Variants in DDX60L observed in about 807,000 individuals in gnomAD.
The protein encoded by DDX60L is DExD/H-box 60 like.
Under a neutral mutation model 211.6 loss-of-function variants are expected in DDX60L, and 191 were observed. The observed-to-expected ratio is 0.90, with a 90% CI of 0.80 to 1.02. The LOEUF (loss-of-function observed/expected upper bound fraction) is 1.02, where lower values mean the gene tolerates loss of function less well. Among genes scored for constraint, DDX60L ranks in the 50% least tolerant of loss-of-function variants. The probability of loss-of-function intolerance (pLI) is 0.00; values close to 1 mark genes in which losing one functional copy is unlikely to be tolerated. For synonymous variants in DDX60L, 706 were observed against 694.1 expected (o/e 1.02, Z -0.27); for missense variants, 2,007 against 1,984.1 (o/e 1.01, Z -0.22).
chr4:168,454,953 A>T (rs1266957021), intron 7 of DDX60L, among the ~76,000 whole-genome samples: 1 of 151,648 alleles, frequency 6.6e-6, no homozygotes, highest in African/African-American at 2.4e-5. Flanking sequence ...AGTTATTTCA[A>T]AGGGACATTA....
rs769780329 is a variant in DDX60L, at chr4:168,461,996, C to T, written c.309G>A (p.Leu103=). The change falls in exon 5 of 38, where the codon TTG becomes TTA. Residue 103 remains leucine, a synonymous_variant. Coordinates refer to ENST00000682922, the MANE Select transcript of DDX60L (RefSeq NM_001012967.3). ...GAAGGTGGAGAATTAAAGCGGTCCT[C>T]AATGAAAGAAGTTCAGGAAAATCAA... ...AYFDFPELLS[L]RTALILHLQH... The T allele has an allele frequency of 1.3e-5, 21 of 1,611,260 alleles. No individual in the cohort carries two copies. The Admixed American group carries it at 3.2e-4, about 24-fold the overall frequency.
intron 35 of DDX60L, 130 bp from the exon 36 acceptor site, chr4:168,371,893 C>G: frequency 3.6e-6 from 3 of 829,162 alleles, no homozygotes; most frequent in South Asian, 2.3e-5. Context: ...AGGAGGCAGG[C>G]AGAGGGGGAT....
rs759003807 is a variant in DDX60L at position 168,420,273 on chromosome 4, TA to T, written c.2501del (p.Val834AspfsTer2). The part of the protein sequence containing the change: ...GAFTRDYCHN[V>X]LNCQVLITVP... ...TAATATGTCATACCTGACAGTTTAG[TA>T]CATTGTGACAATAATCTCTTGTAAA... On this transcript the variant is annotated frameshift_variant, in exon 18 of 38. Coordinates refer to ENST00000682922, the MANE Select transcript of DDX60L (RefSeq NM_001012967.3). LOFTEE classifies it high-confidence loss of function. 4.8e-5 allele frequency: 77 copies of T among 1,600,192 alleles called. No individual in the cohort carries two copies. In the African/African-American group the frequency reaches 9.6e-4, roughly 20 times the overall value.
At position 168,400,887 on chromosome 4, in the gene DDX60L, G is replaced by A; in HGVS notation, c.3430C>T (p.His1144Tyr). Reference sequence around the variant, plus strand: ...TCATCTATTGCAAAGACATAACTATGACATTCAGTGTGGGGATGGCTTTTT... The same window carrying A: ...TCATCTATTGCAAAGACATAACTATAACATTCAGTGTGGGGATGGCTTTTT... ...ETKSHPHTECHSYVFAIDEVL... is the reference protein window; with the variant it reads ...ETKSHPHTECYSYVFAIDEVL... The change falls in exon 26 of 38, where the codon CAT becomes TAT. Residue 1144 changes from histidine (H) to tyrosine (Y), a missense_variant. Coordinates refer to ENST00000682922, the MANE Select transcript of DDX60L (RefSeq NM_001012967.3). 1 of 1,613,510 alleles carries A rather than the reference G, an allele frequency of 6.2e-7. No homozygotes were observed. The highest frequency in any genetic ancestry group is 1.1e-5 in the South Asian group (1 of 91,044).
rs368586654 is a variant in DDX60L at position 168,420,306 on chromosome 4, G to A, written c.2469C>T (p.Cys823=). Residue 823 remains cysteine, a synonymous_variant, in exon 18 of 38, where the codon TGC becomes TGT. Transcript: ENST00000682922. ...TKTLPAGRTL[C]GAFTRDYCHN... is the part of the protein sequence containing the mutation. ...GACAATAATCTCTTGTAAAAGCACC[G>A]CATAGAGTTCTGCCGGCAGGCAACG... 66 of 1,610,620 alleles carry A rather than the reference G, an allele frequency of 4.1e-5. No individual in the cohort carries two copies. The highest frequency in any genetic ancestry group is 3.6e-4 in the African/African-American group (27 of 74,806).
rs561592761 is a variant in DDX60L at position 168,376,692 on chromosome 4, T to C, written c.4486-1168A>G. On this transcript the variant is annotated intron_variant, in intron 33 of 37. Coordinates refer to ENST00000682922, the MANE Select transcript of DDX60L (RefSeq NM_001012967.3). ...CTATGCCTTCCATGTCCTGCCATTG[T>C]GCCACTGCTGGACACCGTTCTAGGG... is the stretch of plus-strand genomic sequence containing the variant. Among the ~76,000 whole-genome samples the C allele has an allele frequency of 5.3e-5, 8 of 152,356 alleles. No homozygotes were observed. The East Asian group carries it at 1.5e-3, about 29-fold the overall frequency.
intron 10 of DDX60L, among the ~76,000 whole-genome samples, chr4:168,436,989 T>G (rs964271756): frequency 6.6e-6 from 1 of 152,160 alleles, no homozygotes; most frequent in Non-Finnish European, 1.5e-5. Flanking sequence ...AAAAAGTATG[T>G]CCAGAATACA....
chr4:168,420,512 G>A, intron 17 of DDX60L, 132 bp from the exon 18 acceptor site: 3 of 814,504 alleles, frequency 3.7e-6, no homozygotes, highest in Non-Finnish European at 3.7e-6. Flanking sequence ...ACACTTCAAT[G>A]AAAATGAAAT....
intron 17 of DDX60L, among the ~76,000 whole-genome samples, 159 bp from the exon 18 acceptor site, chr4:168,420,539 C>T (rs1750369725): frequency 7.1e-6 from 1 of 140,358 alleles, no homozygotes; most frequent in Non-Finnish European, 1.5e-5. Context: ...GGGAAAAATA[C>T]AGATGGTAAT....
At chr4:168,403,339 C>T (rs1351410576) in intron 25 of DDX60L, among the ~76,000 whole-genome samples, 2 of 152,228 alleles carry the variant, frequency 1.3e-5, no homozygotes, top group Admixed American at 6.5e-5. Context: ...TAAACAACTT[C>T]ACATTACCAT....
intron 26 of DDX60L, among the ~76,000 whole-genome samples, chr4:168,399,217 A>G (rs1354579668): frequency 2.0e-5 from 3 of 152,188 alleles, no homozygotes; most frequent in Non-Finnish European, 4.4e-5. Context: ...CTTGCTTGCC[A>G]CGTTATGGGT....
chr4:168,421,855 T>G lies in DDX60L; in HGVS notation c.2299A>C (p.Thr767Pro). The G allele has an allele frequency of 2.5e-6, 4 of 1,614,196 alleles. No homozygotes were observed. Among genetic ancestry groups the G allele is most frequent in the Non-Finnish European group, 3.4e-6 (4 of 1,180,042 alleles). ...GAAGCATAGGTTTTGCCTGAGGACG[T>G]TGGGGCAACAATCACTGCTGACTCA... is the stretch of plus-strand genomic sequence containing the variant. The part of the protein sequence containing the change: ...KNESAVIVAP[T>P]SSGKTYASYY... The change falls in exon 17 of 38, where the codon ACG (threonine) becomes CCG (proline). Residue 767 changes from threonine to proline, a missense_variant. Transcript: ENST00000682922.
At chr4:168,419,200 A>G in intron 19 of DDX60L, 102 bp downstream of exon 19, 1 of 724,926 alleles carries the variant, frequency 1.4e-6, no homozygotes, top group African/African-American at 1.8e-5. Context: ...GCTGACGCAC[A>G]ACTTAACTGC....
chr4:168,418,966 T>C (rs1019026385), intron 19 of DDX60L, among the ~76,000 whole-genome samples: 2 of 152,226 alleles, frequency 1.3e-5, no homozygotes, highest in Admixed American at 1.3e-4. Flanking sequence ...AGGTCACTGT[T>C]CTTCTCAAAG....
chr4:168,438,522 AT>A (rs961134948), intron 10 of DDX60L, among the ~76,000 whole-genome samples: 18 of 152,186 alleles, frequency 1.2e-4, no homozygotes, highest in African/African-American at 4.3e-4. Flanking sequence ...TCTTTAAAAT[AT>A]TTTACAAAGT....
chr4:168,384,643 T>C lies in DDX60L; in HGVS notation c.4085A>G (p.Lys1362Arg). Residue 1362 changes from lysine to arginine, a missense_variant, in exon 30 of 38, where the codon AAG becomes AGG. By Grantham distance (26) the Lys-to-Arg change is conservative (BLOSUM62 2). Coordinates refer to ENST00000682922, the MANE Select transcript of DDX60L (RefSeq NM_001012967.3). The part of the protein sequence containing the change: ...LVLRLMLLAS[K>R]GDDPEDAKAK... The stretch of plus-strand genomic sequence containing the variant: ...CTTGGCATCCTCTGGGTCATCTCCC[T>C]TGGAAGCCAGCAGCATGAGTCGCAG... 1 of 1,614,004 alleles carries C rather than the reference T, an allele frequency of 6.2e-7. No homozygotes were observed. The highest frequency in any genetic ancestry group is 1.1e-5 in the South Asian group (1 of 91,086).
Position 168,456,061 on chromosome 4 carries a change from A to G in DDX60L, c.815T>C (p.Leu272Ser). The G allele has an allele frequency of 6.3e-7, 1 of 1,591,566 alleles. No homozygotes were observed. Among genetic ancestry groups the G allele is most frequent in the Non-Finnish European group, 8.5e-7 (1 of 1,171,198 alleles). The stretch of plus-strand genomic sequence containing the variant: ...TACTAAGACACGATGGTACATTCTC[A>G]AGGATAGTGAACATGAAGTGACACA... ...VLCVTSCSLS[L>S]RMYHRVLVHS... Residue 272 changes from leucine (L) to serine (S), a missense_variant, in exon 7 of 38, where the codon TTG becomes TCG. Physicochemically the swap from Leu to Ser is moderately radical, Grantham distance 145. Coordinates refer to ENST00000682922, the MANE Select transcript of DDX60L (RefSeq NM_001012967.3).
chr4:168,417,144 T>G (rs1292661020), intron 19 of DDX60L, among the ~76,000 whole-genome samples: 2 of 152,192 alleles, frequency 1.3e-5, no homozygotes, highest in African/African-American at 4.8e-5. Context: ...TTTCTTCACA[T>G]CATAGCCCTA....
intron 1 of DDX60L, among the ~76,000 whole-genome samples, chr4:168,479,387 A>ATGAAG (rs1469400190): frequency 6.6e-6 from 1 of 152,112 alleles, no homozygotes; most frequent in Non-Finnish European, 1.5e-5. Context: ...TCAGGAGAAC[A>ATGAAG]CTCGAAATCA....
Sources: gnomAD v4.1 joint callset for allele counts (sites outside exome capture counted in the v4.1 genomes callset) on GRCh38, gnomAD v4.1.1 for gene constraint, MANE v1.5 for transcripts, NCBI Gene and HGNC (gene_info 2026-07-23, HGNC 2026-07-21) for gene names.